ABR: variants seen among roughly 807,000 people sequenced by gnomAD.
ABR encodes the protein ABR activator of RhoGEF and GTPase.
A neutral mutation model predicts 107.2 loss-of-function variants in ABR; 35 were observed. The observed-to-expected ratio is 0.33, with a 90% confidence interval of 0.25 to 0.43. The LOEUF is 0.43. Among genes scored for constraint, ABR ranks in the 20% least tolerant of loss-of-function variants. The pLI is 1.00. For synonymous variants in ABR, 498 were observed against 462.0 expected, an observed-to-expected ratio of 1.08 and a Z score of -1.00; for missense variants, 815 against 1,115.2, an observed-to-expected ratio of 0.73 and a Z score of 3.83.
chr17:1,012,723 G>A lies in ABR; in HGVS notation c.1926C>T (p.Thr642=), dbSNP rs148177398. 5.6e-3 allele frequency: 8,999 copies of A among 1,594,912 alleles called. 40 individuals carry two copies. Among genetic ancestry groups the A allele is most frequent in the Non-Finnish European group, 6.3e-3 (7,323 of 1,169,888 alleles). Residue 642 remains threonine, a synonymous_variant, in exon 18 of 23, where the codon ACC becomes ACT. Transcript: ENST00000302538. Reference sequence around the variant, plus strand: ...CGCTGATCTTCACACCGAAGACGCCGGTCTGCTTTTTGGACGGGGTCCTCT... The same window carrying A: ...CGCTGATCTTCACACCGAAGACGCCAGTCTGCTTTTTGGACGGGGTCCTCT... The part of the protein sequence containing the change: ...SLKRTPSKKQ[T]GVFGVKISVV...
At chr17:1,187,125 C>A (rs991724124) in exon 1 of ABR, 20 of 152,332 alleles carry the variant, frequency 1.3e-4, no homozygotes, top group African/African-American at 4.6e-4. Flanking sequence ...CTGCAGGAGC[C>A]GAGGGCAGGC....
intron 9 of ABR, among the ~76,000 whole-genome samples, chr17:1,068,026 G>C (rs1305884245): frequency 3.3e-5 from 5 of 152,192 alleles, no homozygotes; most frequent in Admixed American, 2.6e-4. Context: ...TCTGCCTCCA[G>C]GGTTCAAGCG....
At chr17:1,099,934 C>A (rs2037749686) in intron 3 of ABR, among the ~76,000 whole-genome samples, 1 of 152,084 alleles carries the variant, frequency 6.6e-6, no homozygotes, top group Non-Finnish European at 1.5e-5. Flanking sequence ...TGGAAACCAG[C>A]CTGGCCAACA....
intron 10 of ABR, among the ~76,000 whole-genome samples, chr17:1,062,800 G>C (rs1398230681): frequency 2.7e-5 from 4 of 146,310 alleles, no homozygotes; most frequent in African/African-American, 9.8e-5. Flanking sequence ...GTTGTTATGT[G>C]AACTGAGGGC....
intron 13 of ABR, 148 bp downstream of exon 13, chr17:1,056,850 C>CTG (rs1303884715): frequency 1.7e-6 from 1 of 580,606 alleles, no homozygotes; most frequent in African/African-American, 1.9e-5. Context: ...CCTACCCAAG[C>CTG]TGTGTCCTGG....
intron 16 of ABR, among the ~76,000 whole-genome samples, chr17:1,020,002 G>A (rs923037554): frequency 2.6e-5 from 4 of 152,210 alleles, no homozygotes; most frequent in Non-Finnish European, 5.9e-5. Flanking sequence ...GCAAAACATC[G>A]TGGAGCCAAA....
intron 1 of ABR, among the ~76,000 whole-genome samples, chr17:1,165,504 T>C (rs1418097438): frequency 6.6e-6 from 1 of 152,208 alleles, no homozygotes; most frequent in Non-Finnish European, 1.5e-5. Context: ...AGTCCTGAAA[T>C]AGTTCCACAG....
intron 5 of ABR, among the ~76,000 whole-genome samples, chr17:1,080,044 G>A (rs1345982655): frequency 1.3e-5 from 2 of 152,066 alleles, no homozygotes; most frequent in East Asian, 3.9e-4. Context: ...GGGCAGACAG[G>A]GTTTGAGTTG....
intron 1 of ABR, among the ~76,000 whole-genome samples, chr17:1,204,701 C>T (rs1457174353): frequency 5.3e-5 from 8 of 152,018 alleles, no homozygotes; most frequent in Admixed American, 3.9e-4. Context: ...TATCATATAT[C>T]ATATCTATAT....
intron 10 of ABR, among the ~76,000 whole-genome samples, chr17:1,061,709 G>C (rs1183376469): frequency 2.0e-5 from 3 of 151,998 alleles, no homozygotes; most frequent in Non-Finnish European, 4.4e-5. Context: ...ACCACACCCG[G>C]CTAACTTTTG....
chr17:1,164,757 C>T (rs1211242489), intron 1 of ABR, among the ~76,000 whole-genome samples: 1 of 152,018 alleles, frequency 6.6e-6, no homozygotes, highest in Non-Finnish European at 1.5e-5. Flanking sequence ...GCCTCGACTT[C>T]CCCAGCTCAA....
At chr17:1,162,160 A>AG (rs2041324487) in intron 1 of ABR, among the ~76,000 whole-genome samples, 1 of 152,228 alleles carries the variant, frequency 6.6e-6, no homozygotes, top group South Asian at 2.1e-4. Context: ...GTTCGTGGTG[A>AG]GGACCCAGTG....
At chr17:1,115,796 G>C (rs903720203) in intron 2 of ABR, among the ~76,000 whole-genome samples, 1 of 150,830 alleles carries the variant, frequency 6.6e-6, no homozygotes, top group Admixed American at 6.6e-5. Flanking sequence ...CGTACTGGCG[G>C]GTGCCTGTAA....
chr17:1,116,224 A>G lies in ABR; in HGVS notation c.246+8959T>C, dbSNP rs558278032. On this transcript the variant is annotated intron_variant, in intron 2 of 22. Transcript: ENST00000302538. ...GACAGAGGGAGACGCCATCTCAAAT[A>G]AATAAATTACATAAAATAAAATAAA... 1.9e-3 allele frequency among the ~76,000 whole-genome samples: 290 copies of G among 152,338 alleles called. 1 individual carries two copies. Among genetic ancestry groups the G allele is most frequent in the Middle Eastern group, 6.8e-3 (2 of 294 alleles).
intron 16 of ABR, among the ~76,000 whole-genome samples, chr17:1,040,945 G>A (rs902266796): frequency 2.0e-5 from 3 of 152,102 alleles, no homozygotes; most frequent in Admixed American, 6.5e-5. Context: ...ACAGAGTCTC[G>A]CTCTGTAGCC....
At chr17:1,058,961 T>C (rs1304082253) in intron 10 of ABR, 94 bp from the exon 11 acceptor site, 3 of 1,513,330 alleles carry the variant, frequency 2.0e-6, no homozygotes, top group Non-Finnish European at 1.8e-6. Flanking sequence ...GTTAACATGC[T>C]CTTTACATTT....
chr17:1,076,884 GCT>G (rs1180016814), intron 6 of ABR, among the ~76,000 whole-genome samples: 1 of 152,162 alleles, frequency 6.6e-6, no homozygotes, highest in Non-Finnish European at 1.5e-5. Context: ...CTGTCCCTGG[GCT>G]CCTGCAGGCT....
intron 16 of ABR, among the ~76,000 whole-genome samples, chr17:1,048,860 A>G (rs1310185028): frequency 1.3e-5 from 2 of 151,742 alleles, no homozygotes; most frequent in African/African-American, 4.9e-5. Context: ...GAAGCTCAGC[A>G]CGCCCAACGC....
intron 7 of ABR, 73 bp from the exon 8 acceptor site, chr17:1,072,827 G>C: frequency 1.3e-6 from 2 of 1,519,328 alleles, no homozygotes; most frequent in Non-Finnish European, 1.8e-6. Flanking sequence ...GGAGTGCTCA[G>C]TCCCCATCCA....
Sources: allele counts gnomAD v4.1 joint callset (sites outside exome capture counted in the v4.1 genomes callset), GRCh38; gene constraint gnomAD v4.1.1; transcripts MANE v1.5; gene names NCBI Gene and HGNC (gene_info 2026-07-23, HGNC 2026-07-21).